SPIDR: variants seen among roughly 807,000 people sequenced by gnomAD.
SPIDR encodes scaffold protein involved in DNA repair, also known as DNA repair-scaffolding protein.
A neutral mutation model predicts 104.6 loss-of-function variants in SPIDR; 93 were observed. The observed-to-expected ratio is 0.89, with a 90% CI of 0.75 to 1.06. SPIDR has a LOEUF of 1.06. Among genes scored for constraint, SPIDR ranks in the 50% least tolerant of loss-of-function variants. The probability of loss-of-function intolerance (pLI) is 0.00; values close to 1 mark genes in which losing one functional copy is unlikely to be tolerated. For missense variants in SPIDR, 1,154 were observed against 1,111.2 expected (o/e 1.04, Z -0.55); for synonymous variants, 431 against 416.9 (o/e 1.03, Z -0.41).
intron 10 of SPIDR, chr8:47,653,996 A>C: frequency 4.7e-6 from 6 of 1,273,024 alleles, no homozygotes; most frequent in Non-Finnish European, 6.1e-6. Context: ...GATGAGTGGG[A>C]GTGGCAAGGA....
intron 11 of SPIDR, among the ~76,000 whole-genome samples, chr8:47,689,318 G>A (rs1238915805): frequency 6.6e-6 from 1 of 152,206 alleles, no homozygotes; most frequent in Non-Finnish European, 1.5e-5. Flanking sequence ...CCCAGCAGAG[G>A]CTATGGGTCT....
chr8:47,492,811 C>T (rs2078915910), intron 8 of SPIDR, among the ~76,000 whole-genome samples: 1 of 152,204 alleles, frequency 6.6e-6, no homozygotes, highest in Non-Finnish European at 1.5e-5. Flanking sequence ...TTCCTTCATG[C>T]AGCTTCTCCA....
intron 7 of SPIDR, among the ~76,000 whole-genome samples, chr8:47,425,386 G>T (rs782460759): frequency 3.5e-4 from 53 of 152,124 alleles, no homozygotes; most frequent in Non-Finnish European, 6.5e-4. Flanking sequence ...TAGTGGACTA[G>T]ATGGATGACA....
At chr8:47,708,304 C>A (rs1360935190) in intron 14 of SPIDR, among the ~76,000 whole-genome samples, 1 of 152,172 alleles carries the variant, frequency 6.6e-6, no homozygotes, top group Non-Finnish European at 1.5e-5. Context: ...GTCTCAAAAA[C>A]AAACAAACAA....
At chr8:47,435,354 G>GT (rs1554691479) in intron 7 of SPIDR, among the ~76,000 whole-genome samples, 5 of 151,590 alleles carry the variant, frequency 3.3e-5, no homozygotes, top group African/African-American at 4.9e-5. Flanking sequence ...GTGTGTGTGT[G>GT]GCCTCTTGGT....
At chr8:47,623,070 G>T (rs548644000) in intron 10 of SPIDR, among the ~76,000 whole-genome samples, 3 of 152,240 alleles carry the variant, frequency 2.0e-5, no homozygotes, top group Non-Finnish European at 2.9e-5. Context: ...TAACAGCTTG[G>T]AGTTTTTTAG....
intron 8 of SPIDR, among the ~76,000 whole-genome samples, chr8:47,484,865 G>A (rs1389267205): frequency 1.3e-5 from 2 of 152,266 alleles, no homozygotes; most frequent in South Asian, 2.1e-4. Flanking sequence ...AGACCCGGAC[G>A]GCAGTTCCAA....
chr8:47,501,415 G>T (rs2080415931), intron 8 of SPIDR, among the ~76,000 whole-genome samples: 1 of 151,978 alleles, frequency 6.6e-6, no homozygotes, highest in Non-Finnish European at 1.5e-5. Context: ...ATTGTGAATG[G>T]GAGTTCACTC....
intron 7 of SPIDR, among the ~76,000 whole-genome samples, chr8:47,410,438 C>T (rs1588339437): frequency 2.0e-5 from 3 of 152,180 alleles, no homozygotes; most frequent in Admixed American, 2.0e-4. Flanking sequence ...ACCTCAGCCT[C>T]CCAAAGTGCT....
chr8:47,346,761 G>A (rs1554618442), intron 5 of SPIDR, among the ~76,000 whole-genome samples: 2 of 152,162 alleles, frequency 1.3e-5, no homozygotes, highest in African/African-American at 4.8e-5. Context: ...GGTGTTTATA[G>A]TATTCTCTGA....
intron 3 of SPIDR, among the ~76,000 whole-genome samples, chr8:47,288,321 T>G (rs1469789312): frequency 6.6e-6 from 1 of 152,094 alleles, no homozygotes; most frequent in Non-Finnish European, 1.5e-5. Flanking sequence ...TGTCTCACTC[T>G]GTCACCCAGG....
chr8:47,589,022 G>GTTTTTTTTTTTTTTTTTTTTTTTTTTTTT (rs1168001066), intron 8 of SPIDR, among the ~76,000 whole-genome samples: 2 of 89,060 alleles, frequency 2.2e-5, no homozygotes, highest in Non-Finnish European at 4.7e-5. Context: ...TTTATAGTTT[G>GTTTTTTTTTTTTTTTTTTTTTTTTTTTTT]TTTTTTTTTT....
intron 10 of SPIDR, among the ~76,000 whole-genome samples, chr8:47,650,830 C>T (rs2071479959): frequency 6.6e-6 from 1 of 151,974 alleles, no homozygotes; most frequent in East Asian, 1.9e-4. Context: ...TTCAACAAAG[C>T]ATATAAAAAC....
chr8:47,366,762 G>A (rs1243672362), intron 5 of SPIDR, among the ~76,000 whole-genome samples: 1 of 152,200 alleles, frequency 6.6e-6, no homozygotes, highest in Admixed American at 6.5e-5. Context: ...TTGCAAAGAT[G>A]TATAGATTAA....
rs369877053 is a variant in SPIDR, at chr8:47,564,394, G to A, written c.1098-31417G>A. ...GCCCGACTTTTTACAGAATTTAGTAGTTAGGCTGGGTGCGGTGGCTCACGC... is the reference window on the plus strand; with the variant it reads ...GCCCGACTTTTTACAGAATTTAGTAATTAGGCTGGGTGCGGTGGCTCACGC... On this transcript the variant is annotated intron_variant, in intron 8 of 19. Transcript: ENST00000297423. Among the ~76,000 whole-genome samples the A allele has an allele frequency of 4.0e-3, 605 of 151,208 alleles. 4 individuals are homozygous for A. Among genetic ancestry groups the A allele is most frequent in the South Asian group, 0.023 (109 of 4,654 alleles).
chr8:47,614,633 G>C (rs1038446673), intron 10 of SPIDR, among the ~76,000 whole-genome samples: 2 of 152,142 alleles, frequency 1.3e-5, no homozygotes, highest in African/African-American at 4.8e-5. Context: ...TTGCTATTGT[G>C]AATAATGCTG....
At chr8:47,344,511 A>G (rs535610721) in intron 5 of SPIDR, among the ~76,000 whole-genome samples, 1 of 152,340 alleles carries the variant, frequency 6.6e-6, no homozygotes, top group Non-Finnish European at 1.5e-5. Flanking sequence ...GTCAAATGGT[A>G]TTTCTAGTTC....
intron 10 of SPIDR, 58 bp from the exon 11 acceptor site, chr8:47,673,743 G>A (rs749618636): frequency 9.4e-6 from 15 of 1,601,506 alleles, no homozygotes; most frequent in Non-Finnish European, 1.3e-5. Flanking sequence ...GGGAAATCTT[G>A]ATCTCTGTAT....
At chr8:47,435,586 C>G (rs149704731) in intron 7 of SPIDR, among the ~76,000 whole-genome samples, 1 of 151,996 alleles carries the variant, frequency 6.6e-6, no homozygotes, top group Non-Finnish European at 1.5e-5. Context: ...CGTTTAACAT[C>G]TTTGCTATTG....
Sources: gnomAD v4.1 joint callset for allele counts (sites outside exome capture counted in the v4.1 genomes callset) on GRCh38, gnomAD v4.1.1 for gene constraint, MANE v1.5 for transcripts, NCBI Gene and HGNC (gene_info 2026-07-23, HGNC 2026-07-21) for gene names.